The following ZNRF3 variants were observed in gnomAD, a reference collection of about 807,000 sequenced individuals.
The protein encoded by ZNRF3 is zinc and ring finger 3.
ZNRF3 carries 23 observed loss-of-function variants against 72.5 expected under a neutral mutation model. The observed-to-expected ratio is 0.32, with a 90% CI of 0.23 to 0.45. The LOEUF (loss-of-function observed/expected upper bound fraction) is 0.45. Among genes scored for constraint, ZNRF3 ranks in the 20% least tolerant of loss-of-function variants. ZNRF3 has a pLI of 1.00. For synonymous variants in ZNRF3, 610 were observed against 545.3 expected (o/e 1.12, Z -1.65); for missense variants, 1,169 against 1,272.1 (o/e 0.92, Z 1.23).
intron 1 of ZNRF3, among the ~76,000 whole-genome samples, chr22:28,944,276 T>A (rs2035005065): frequency 6.6e-6 from 1 of 151,978 alleles, no homozygotes; most frequent in Admixed American, 6.6e-5. Flanking sequence ...ACATTTTTTT[T>A]TTCTAAGTCT....
At chr22:29,053,358 G>A (rs138066048) in intron 8 of ZNRF3, among the ~76,000 whole-genome samples, 11 of 152,280 alleles carry the variant, frequency 7.2e-5, no homozygotes, top group African/African-American at 2.6e-4. Context: ...GCTACCTGAG[G>A]GCTTCTAGAA....
intron 2 of ZNRF3, among the ~76,000 whole-genome samples, chr22:28,997,288 G>A (rs1175782458): frequency 3.9e-5 from 6 of 152,010 alleles, no homozygotes; most frequent in Admixed American, 6.6e-5. Context: ...TGGGACTGAC[G>A]GTATCGTACC....
chr22:29,009,006 G>A (rs2036304888), intron 2 of ZNRF3, among the ~76,000 whole-genome samples: 1 of 152,118 alleles, frequency 6.6e-6, no homozygotes, highest in Non-Finnish European at 1.5e-5. Context: ...TGCTCTGGTT[G>A]CCCTGGTCCC....
chr22:28,893,153 C>T (rs904392039), intron 1 of ZNRF3, among the ~76,000 whole-genome samples: 13 of 151,812 alleles, frequency 8.6e-5, no homozygotes, highest in Non-Finnish European at 1.5e-4. Flanking sequence ...AGCGACTGAG[C>T]GAGACTCTGT....
At chr22:28,958,908 G>A (rs1474352444) in intron 1 of ZNRF3, among the ~76,000 whole-genome samples, 8 of 152,212 alleles carry the variant, frequency 5.3e-5, no homozygotes, top group Admixed American at 5.2e-4. Context: ...TGGTACTCTG[G>A]AGGCTTGGCA....
intron 1 of ZNRF3, among the ~76,000 whole-genome samples, chr22:28,928,490 C>CTTTTTT: frequency 1.2e-5 from 1 of 80,600 alleles, no homozygotes; most frequent in Non-Finnish European, 2.5e-5. Flanking sequence ...CCAGAAATGT[C>CTTTTTT]TTTTTTTTTT....
At chr22:28,987,650 C>T (rs1209990773) in intron 2 of ZNRF3, among the ~76,000 whole-genome samples, 1 of 152,190 alleles carries the variant, frequency 6.6e-6, no homozygotes, top group Non-Finnish European at 1.5e-5. Flanking sequence ...AGTAACCAAA[C>T]ACATTCACAT....
chr22:28,903,548 T>C (rs1223480860), intron 1 of ZNRF3, among the ~76,000 whole-genome samples: 1 of 152,152 alleles, frequency 6.6e-6, no homozygotes, highest in African/African-American at 2.4e-5. Flanking sequence ...ATGGGAATGA[T>C]TGGAGAGCAG....
At chr22:29,047,113 T>G (rs1418911393) in intron 6 of ZNRF3, among the ~76,000 whole-genome samples, 1 of 152,176 alleles carries the variant, frequency 6.6e-6, no homozygotes, top group Non-Finnish European at 1.5e-5. Flanking sequence ...CTTTGAAAAT[T>G]TTAGGCCTAG....
At chr22:29,010,901 T>C (rs1164758972) in intron 2 of ZNRF3, among the ~76,000 whole-genome samples, 1 of 152,180 alleles carries the variant, frequency 6.6e-6, no homozygotes, top group East Asian at 1.9e-4. Context: ...ACTGCTGACC[T>C]CAAGTGATCC....
At chr22:28,955,001 C>A (rs2035229491) in intron 1 of ZNRF3, among the ~76,000 whole-genome samples, 1 of 149,504 alleles carries the variant, frequency 6.7e-6, no homozygotes, top group African/African-American at 2.5e-5. Context: ...CTGATGGCAT[C>A]ACAGGTTTGG....
chr22:28,912,817 A>G (rs1418975785), intron 1 of ZNRF3, among the ~76,000 whole-genome samples: 21 of 151,606 alleles, frequency 1.4e-4, no homozygotes. Flanking sequence ...GGCGCCCACC[A>G]CCACACCCAG....
rs1601725625 is a variant in ZNRF3 at position 29,056,021 on chromosome 22, G to T, written c.*2399G>T. ...CAAGTGATAGCTGCAGATGGCGAAA[G>T]AAACCCATTTAATTTTTGTAGCTTA... On this transcript the variant is annotated 3_prime_UTR_variant, in exon 9 of 9. Transcript: ENST00000544604. The T allele has an allele frequency of 6.6e-6, 1 of 151,924 alleles. No individual in the cohort carries two copies. Among genetic ancestry groups the T allele is most frequent in the East Asian group, 1.9e-4 (1 of 5,170 alleles). 9.4% of individuals were successfully genotyped at this position (151,924 alleles called of 1,614,324 possible). A position where few individuals can be genotyped will look rare whatever the true frequency, so the allele number is the denominator to read the frequency against.
At position 29,050,455 on chromosome 22, in the gene ZNRF3, G is replaced by A. The variant is rs539394304; in HGVS notation, c.2274G>A (p.Leu758=). The A allele has an allele frequency of 1.9e-6, 3 of 1,612,082 alleles. No individual in the cohort carries two copies. Among genetic ancestry groups the A allele is most frequent in the South Asian group, 1.1e-5 (1 of 91,072 alleles). ...GEPQSGSSQG[L]YGLHPDHLPR... ...CCCAGTCAGGAAGCTCCCAGGGCTT[G>A]TACGGCCTTCACCCCGACCATTTGC... The change falls in exon 8 of 9, where the codon TTG becomes TTA. Residue 758 remains leucine (L), a synonymous_variant. Coordinates refer to ENST00000544604, the MANE Select transcript of ZNRF3 (RefSeq NM_001206998.2).
At chr22:28,980,976 C>T (rs1315487715) in intron 1 of ZNRF3, among the ~76,000 whole-genome samples, 1 of 152,136 alleles carries the variant, frequency 6.6e-6, no homozygotes, top group Non-Finnish European at 1.5e-5. Flanking sequence ...AAAGCCCTAC[C>T]CATCCAAATA....
chr22:28,994,172 C>CTGTCT (rs1569274127), intron 2 of ZNRF3, among the ~76,000 whole-genome samples: 1 of 78,766 alleles, frequency 1.3e-5, no homozygotes, highest in Non-Finnish European at 2.4e-5. Context: ...CCTTCAGTTC[C>CTGTCT]TTTCTTTTTT....
At chr22:28,970,330 C>T (rs1252967904) in intron 1 of ZNRF3, among the ~76,000 whole-genome samples, 1 of 152,254 alleles carries the variant, frequency 6.6e-6, no homozygotes, top group South Asian at 2.1e-4. Context: ...CTGCTACGTG[C>T]CACTAGAATG....
At chr22:28,886,096 G>A (rs550005126) in intron 1 of ZNRF3, among the ~76,000 whole-genome samples, 3 of 152,324 alleles carry the variant, frequency 2.0e-5, no homozygotes, top group African/African-American at 7.2e-5. Flanking sequence ...GGTGCACCTC[G>A]TATCTTTAGT....
chr22:28,940,573 G>T (rs1288406397), intron 1 of ZNRF3, among the ~76,000 whole-genome samples: 1 of 150,862 alleles, frequency 6.6e-6, no homozygotes, highest in Non-Finnish European at 1.5e-5. Flanking sequence ...TTAATCACAG[G>T]TTCTTCTTCC....
Sources: allele counts gnomAD v4.1 joint callset (sites outside exome capture counted in the v4.1 genomes callset), GRCh38; gene constraint gnomAD v4.1.1; transcripts MANE v1.5; gene names NCBI Gene and HGNC (gene_info 2026-07-23, HGNC 2026-07-21).